The following FMNL2 variants were observed in gnomAD, a reference collection of about 807,000 sequenced individuals.
FMNL2 encodes formin like 2.
In FMNL2, 51 loss-of-function variants were observed where a neutral mutation model predicts 130.2. The ratio of observed to expected loss-of-function variants is 0.39; its 90% CI spans 0.31 to 0.49. The LOEUF (loss-of-function observed/expected upper bound fraction) is 0.49. Among genes scored for constraint, FMNL2 ranks in the 20% least tolerant of loss-of-function variants. FMNL2 has a pLI of 0.85. For synonymous variants in FMNL2, 465 were observed against 467.1 expected (o/e 1.00, Z 0.06); for missense variants, 977 against 1,316.2 (o/e 0.74, Z 3.99).
At chr2:152,629,159 C>T (rs764394112) in intron 18 of FMNL2, among the ~76,000 whole-genome samples, 1 of 152,120 alleles carries the variant, frequency 6.6e-6, no homozygotes, top group Non-Finnish European at 1.5e-5. Flanking sequence ...TTTCCCAATT[C>T]TGTTTCTAGA....
chr2:152,534,279 A>G (rs921753670), intron 2 of FMNL2, among the ~76,000 whole-genome samples: 1 of 152,180 alleles, frequency 6.6e-6, no homozygotes, highest in Admixed American at 6.5e-5. Context: ...CTCCCATGCT[A>G]CTTGCTTTAA....
chr2:152,559,508 T>C (rs916496412), intron 5 of FMNL2, among the ~76,000 whole-genome samples: 6 of 152,168 alleles, frequency 3.9e-5, no homozygotes, highest in African/African-American at 1.2e-4. Context: ...TTCACCATGT[T>C]GGGCAAGCTG....
In FMNL2 at chr2:152,441,883, T is replaced by A. The variant is rs532837660; in HGVS notation, c.118-80060T>A. Among the ~76,000 whole-genome samples the A allele has an allele frequency of 7.9e-5, 12 of 152,046 alleles. No homozygotes were observed. The East Asian group carries it at 2.3e-3, about 29-fold the overall frequency. ...CTTGGAGCAGTAGAGTTAAAATAGA[T>A]GAGAACTGCAATAGGAAATGAGAAT... On this transcript the variant is annotated intron_variant, in intron 1 of 25. Transcript: ENST00000288670.
chr2:152,479,877 A>T (rs1021578899), intron 1 of FMNL2, among the ~76,000 whole-genome samples: 5 of 151,464 alleles, frequency 3.3e-5, no homozygotes, highest in Non-Finnish European at 7.4e-5. Context: ...CACCTGGTTA[A>T]TTTTTTGTCT....
intron 1 of FMNL2, among the ~76,000 whole-genome samples, chr2:152,490,392 CAG>C (rs1024066323): frequency 6.6e-6 from 1 of 152,084 alleles, no homozygotes; most frequent in African/African-American, 2.4e-5. Context: ...CATTCTCGGG[CAG>C]AGTCTGGGAG....
chr2:152,606,069 G>C (rs143788223), intron 9 of FMNL2, among the ~76,000 whole-genome samples: 14 of 152,170 alleles, frequency 9.2e-5, no homozygotes, highest in Non-Finnish European at 1.9e-4. Flanking sequence ...TCCTGCCTTC[G>C]TGGGAATTTC....
intron 12 of FMNL2, among the ~76,000 whole-genome samples, 199 bp from the exon 13 acceptor site, chr2:152,616,892 C>G (rs1169021776): frequency 6.6e-6 from 1 of 152,148 alleles, no homozygotes; most frequent in African/African-American, 2.4e-5. Context: ...TATTAAGAAT[C>G]ATGTCTAAGT....
chr2:152,352,938 C>G (rs1270801493), intron 1 of FMNL2, among the ~76,000 whole-genome samples: 3 of 151,964 alleles, frequency 2.0e-5, no homozygotes, highest in East Asian at 3.9e-4. Flanking sequence ...TGTTAGTAGG[C>G]CTTGTGTTGG....
chr2:152,376,533 C>T (rs1684187056), intron 1 of FMNL2, among the ~76,000 whole-genome samples: 1 of 152,128 alleles, frequency 6.6e-6, no homozygotes, highest in Non-Finnish European at 1.5e-5. Flanking sequence ...GAGCTTTGAG[C>T]CAGGGATGTC....
chr2:152,529,603 G>C (rs1693580812), intron 2 of FMNL2, among the ~76,000 whole-genome samples: 1 of 152,190 alleles, frequency 6.6e-6, no homozygotes. Context: ...TCAAATAGCA[G>C]ATGCCAACTC....
At chr2:152,639,860 TCTC>T in intron 23 of FMNL2, 95 bp from the exon 24 acceptor site, 4 of 854,990 alleles carry the variant, frequency 4.7e-6, no homozygotes, top group South Asian at 3.1e-5. Context: ...TTATTGTAAT[TCTC>T]AACTCACTAA....
In FMNL2 at chr2:152,522,813, A is replaced by G. The variant is rs181033517; in HGVS notation, c.201+787A>G. 3.9e-5 allele frequency among the ~76,000 whole-genome samples: 6 copies of G among 152,316 alleles called. No homozygotes were observed. The East Asian group carries it at 1.2e-3, about 29-fold the overall frequency. ...TTTATCAGCAGTGCAAAAACAGACT[A>G]ATAGACAAATATATCATTATCTGTT... is the stretch of plus-strand genomic sequence containing the variant. On this transcript the variant is annotated intron_variant, in intron 2 of 25. Coordinates refer to ENST00000288670, the MANE Select transcript of FMNL2 (RefSeq NM_052905.4).
chr2:152,505,967 A>G (rs1273781099), intron 1 of FMNL2, among the ~76,000 whole-genome samples: 1 of 152,214 alleles, frequency 6.6e-6, no homozygotes, highest in African/African-American at 2.4e-5. Flanking sequence ...TTTGTACTCT[A>G]TCACAAAGCT....
intron 5 of FMNL2, among the ~76,000 whole-genome samples, 178 bp from the exon 6 acceptor site, chr2:152,560,705 T>C (rs17399913): frequency 0.17 from 25,498 of 152,212 alleles, 2,496 homozygotes; most frequent in Non-Finnish European, 0.23. Context: ...TCTGTATTCT[T>C]AAAGCTAACA....
At chr2:152,462,951 A>G (rs1290914435) in intron 1 of FMNL2, among the ~76,000 whole-genome samples, 3 of 151,418 alleles carry the variant, frequency 2.0e-5, no homozygotes, top group Admixed American at 2.0e-4. Context: ...TTTAGGGGGA[A>G]AAAATCTCAT....
chr2:152,506,658 A>G (rs1692187142), intron 1 of FMNL2, among the ~76,000 whole-genome samples: 1 of 152,168 alleles, frequency 6.6e-6, no homozygotes. Flanking sequence ...GATAGTATCT[A>G]GACTAGAGGT....
chr2:152,454,802 T>C (rs1403045837), intron 1 of FMNL2, among the ~76,000 whole-genome samples: 1 of 152,176 alleles, frequency 6.6e-6, no homozygotes, highest in Non-Finnish European at 1.5e-5. Flanking sequence ...ATTGATTTAA[T>C]TGGTCAGAGA....
intron 12 of FMNL2, among the ~76,000 whole-genome samples, chr2:152,615,989 C>T (rs145914056): frequency 2.9e-4 from 44 of 152,242 alleles, no homozygotes; most frequent in Non-Finnish European, 4.6e-4. Context: ...AGCTGGCATC[C>T]GCTTAAAAAG....
intron 2 of FMNL2, among the ~76,000 whole-genome samples, chr2:152,529,111 T>G (rs1011836478): frequency 6.6e-6 from 1 of 152,240 alleles, no homozygotes; most frequent in Non-Finnish European, 1.5e-5. Flanking sequence ...GATAGTCTTA[T>G]AGTTCATTTG....
Sources: allele counts gnomAD v4.1 joint callset (sites outside exome capture counted in the v4.1 genomes callset), GRCh38; gene constraint gnomAD v4.1.1; transcripts MANE v1.5; gene names NCBI Gene and HGNC (gene_info 2026-07-23, HGNC 2026-07-21).